GMDS: variants seen among roughly 807,000 people sequenced by gnomAD.
The protein encoded by GMDS is GDP-mannose 4,6 dehydratase.
In GMDS, 20 loss-of-function variants were observed where a neutral mutation model predicts 49.9. The ratio of observed to expected loss-of-function variants is 0.40; its 90% CI spans 0.28 to 0.58. The LOEUF (loss-of-function observed/expected upper bound fraction) is 0.58. Among genes scored for constraint, GMDS ranks in the 20% least tolerant of loss-of-function variants. The probability of loss-of-function intolerance (pLI) is 0.42; values close to 1 mark genes in which losing one functional copy is unlikely to be tolerated. For synonymous variants in GMDS, 177 were observed against 178.6 expected (o/e 0.99, Z 0.07); for missense variants, 362 against 481.4 (o/e 0.75, Z 2.32).
At chr6:2,105,047 T>C (rs1430207234) in intron 4 of GMDS, among the ~76,000 whole-genome samples, 2 of 151,868 alleles carry the variant, frequency 1.3e-5, no homozygotes, top group African/African-American at 2.4e-5. Flanking sequence ...CCAGGTGTGG[T>C]GGCAGGCACC....
intron 1 of GMDS, among the ~76,000 whole-genome samples, chr6:2,217,069 C>G (rs1780376096): frequency 6.6e-6 from 1 of 152,176 alleles, no homozygotes; most frequent in Admixed American, 6.5e-5. Flanking sequence ...GAGCGCTCAG[C>G]ACGTGGACTC....
In GMDS at chr6:1,674,560, CTT is replaced by C. The variant is rs869292549; in HGVS notation, c.988-50022_988-50021del. Among the ~76,000 whole-genome samples the C allele has an allele frequency of 5.9e-3, 433 of 73,366 alleles. 2 individuals are homozygous for C. The highest frequency in any genetic ancestry group is 8.1e-3 in the Non-Finnish European group (354 of 43,848). 48.1% of individuals were successfully genotyped at this position (73,366 alleles called of 152,430 possible). A position where few individuals can be genotyped will look rare whatever the true frequency, so the allele number is the denominator to read the frequency against. ...CAACTCATCAACTCTCTCTCTCTCT[CTT>C]TTTTTTTTTTTTTTTTTTTTTTGAC... On this transcript the variant is annotated intron_variant, in intron 9 of 10. Transcript: ENST00000380815.
intron 6 of GMDS, chr6:1,949,048 G>A: frequency 4.1e-6 from 4 of 975,456 alleles, no homozygotes; most frequent in Non-Finnish European, 4.9e-6. Flanking sequence ...GCCTCCAACA[G>A]GGTCTTTCAC....
At chr6:1,850,062 C>A (rs1408529886) in intron 7 of GMDS, among the ~76,000 whole-genome samples, 1 of 152,160 alleles carries the variant, frequency 6.6e-6, no homozygotes, top group Non-Finnish European at 1.5e-5. Context: ...ATATCAGAGA[C>A]ACCTTATTTT....
chr6:1,835,232 C>A (rs1756871245), intron 7 of GMDS, among the ~76,000 whole-genome samples: 1 of 152,048 alleles, frequency 6.6e-6, no homozygotes. Flanking sequence ...CCTAAGGCAG[C>A]CAGAAGAAGA....
chr6:2,110,798 GA>G (rs1774505000), intron 4 of GMDS, among the ~76,000 whole-genome samples: 1 of 152,176 alleles, frequency 6.6e-6, no homozygotes, highest in Non-Finnish European at 1.5e-5. Flanking sequence ...TAAAGGGTTA[GA>G]AAAGGAGTAG....
chr6:2,066,746 G>A (rs1470941393), intron 4 of GMDS, among the ~76,000 whole-genome samples: 1 of 152,098 alleles, frequency 6.6e-6, no homozygotes, highest in Non-Finnish European at 1.5e-5. Context: ...CAATACAGGA[G>A]CACCCAGATT....
intron 4 of GMDS, among the ~76,000 whole-genome samples, chr6:2,076,809 T>C (rs919471982): frequency 4.6e-5 from 7 of 152,160 alleles, no homozygotes; most frequent in African/African-American, 1.7e-4. Context: ...ATAAAAACCC[T>C]AGAAGAAAAC....
At chr6:2,242,306 C>T (rs1442101342) in intron 1 of GMDS, among the ~76,000 whole-genome samples, 3 of 152,210 alleles carry the variant, frequency 2.0e-5, no homozygotes, top group Non-Finnish European at 4.4e-5. Context: ...TGGGGGTGAG[C>T]TTTTAAGAGT....
chr6:1,650,453 G>A (rs915680276), intron 9 of GMDS, among the ~76,000 whole-genome samples: 1 of 152,166 alleles, frequency 6.6e-6, no homozygotes, highest in Non-Finnish European at 1.5e-5. Context: ...ATTCCAGTCC[G>A]TTCAGATTCA....
chr6:1,672,455 C>A (rs1764461760), intron 9 of GMDS, among the ~76,000 whole-genome samples: 1 of 152,342 alleles, frequency 6.6e-6, no homozygotes, highest in Non-Finnish European at 1.5e-5. Flanking sequence ...ATTCTTCCAA[C>A]AAAAGTCTCT....
At chr6:1,710,290 CCA>C (rs1211532003) in intron 9 of GMDS, among the ~76,000 whole-genome samples, 1 of 152,130 alleles carries the variant, frequency 6.6e-6, no homozygotes, top group Non-Finnish European at 1.5e-5. Flanking sequence ...AGAAGCTTAA[CCA>C]CATTACTGCT....
chr6:2,060,540 C>T (rs1019475424), intron 4 of GMDS, among the ~76,000 whole-genome samples: 6 of 152,084 alleles, frequency 3.9e-5, no homozygotes, highest in African/African-American at 1.4e-4. Flanking sequence ...AGGTGCTACA[C>T]AGATAAAAAT....
intron 1 of GMDS, among the ~76,000 whole-genome samples, chr6:2,165,439 C>T (rs1777616641): frequency 1.3e-5 from 2 of 152,220 alleles, no homozygotes; most frequent in African/African-American, 4.8e-5. Context: ...GAGAAATTCC[C>T]TCTTACTCAT....
intron 4 of GMDS, among the ~76,000 whole-genome samples, chr6:2,025,292 A>G (rs1768515974): frequency 6.6e-6 from 1 of 151,890 alleles, no homozygotes; most frequent in African/African-American, 2.4e-5. Flanking sequence ...AAGATCTTAT[A>G]TATTATTAAA....
At position 1,836,556 on chromosome 6, in the gene GMDS, G is replaced by A. The variant is rs1561836828; in HGVS notation, c.771+93547C>T. 6.6e-6 allele frequency among the ~76,000 whole-genome samples: 1 copy of A among 152,216 alleles called. No homozygotes were observed. Among genetic ancestry groups the A allele is most frequent in the Non-Finnish European group, 1.5e-5 (1 of 68,032 alleles). On this transcript the variant is annotated intron_variant, in intron 7 of 10. Coordinates refer to ENST00000380815, the MANE Select transcript of GMDS (RefSeq NM_001500.4). The surrounding 1 kb of genome is among the most constrained non-coding windows in gnomAD (Gnocchi z 4.2). ...CATACTTTATGATAAAATAGCTAAT[G>A]TCCTTTCATTAGTATAATGACATCT...
chr6:2,225,579 C>T (rs946438919), intron 1 of GMDS, among the ~76,000 whole-genome samples: 1 of 152,158 alleles, frequency 6.6e-6, no homozygotes, highest in Non-Finnish European at 1.5e-5. Flanking sequence ...ATTTGCCAAC[C>T]CTTAGATTTT....
chr6:2,086,344 A>G (rs967547903), intron 4 of GMDS, among the ~76,000 whole-genome samples: 1 of 152,156 alleles, frequency 6.6e-6, no homozygotes, highest in African/African-American at 2.4e-5. Flanking sequence ...GTGCTAACAC[A>G]CAAGTCAAAG....
intron 7 of GMDS, among the ~76,000 whole-genome samples, chr6:1,788,857 A>G (rs1176295038): frequency 6.6e-6 from 1 of 152,206 alleles, no homozygotes; most frequent in Non-Finnish European, 1.5e-5. Flanking sequence ...TAAAACTGCA[A>G]AGCAATTCTG....
Sources: gnomAD v4.1 joint callset for allele counts (sites outside exome capture counted in the v4.1 genomes callset) on GRCh38, gnomAD v4.1.1 for gene constraint, Gnocchi (gnomAD v3.1) non-coding constraint, MANE v1.5 for transcripts, NCBI Gene and HGNC (gene_info 2026-07-23, HGNC 2026-07-21) for gene names.